Variants in SLC9B2 observed in about 807,000 individuals in gnomAD.
SLC9B2 encodes sodium/hydrogen exchanger 9B2.
SLC9B2 carries 39 observed loss-of-function variants against 52.2 expected under a neutral mutation model. The observed-to-expected ratio is 0.75, with a 90% CI of 0.58 to 0.98. The LOEUF is 0.98. SLC9B2 is among the 50% of genes least tolerant of loss of function. SLC9B2 has a pLI of 0.00. For missense variants in SLC9B2, 626 were observed against 637.5 expected (o/e 0.98, Z 0.19); for synonymous variants, 214 against 227.0 (o/e 0.94, Z 0.51).
intron 9 of SLC9B2, among the ~76,000 whole-genome samples, chr4:103,034,185 G>A (rs554941304): frequency 4.6e-5 from 7 of 152,258 alleles, no homozygotes; most frequent in Admixed American, 4.6e-4. Flanking sequence ...CGATAAAGCT[G>A]ACAAAAACAA....
chr4:103,063,282 T>C (rs1745828474), intron 3 of SLC9B2, among the ~76,000 whole-genome samples: 1 of 152,242 alleles, frequency 6.6e-6, no homozygotes, highest in Non-Finnish European at 1.5e-5. Context: ...TGGTTTTCTG[T>C]ACATGTTCTA....
rs1742232597 is a variant in SLC9B2, at chr4:103,026,554, G to C, written c.1430C>G (p.Ser477Ter). Residue 477 changes from serine (S) to a stop codon, truncating the protein, a stop_gained, in exon 12 of 12, where the codon TCA (serine) becomes TGA (stop). Coordinates refer to ENST00000394785, the MANE Select transcript of SLC9B2 (RefSeq NM_178833.7). LOFTEE classifies it high-confidence loss of function. Reference protein sequence around the residue: ...IGSVALDTARSHGEKQLEDYG... With the variant: ...IGSVALDTAR Reference sequence around the variant, plus strand: ...GTCTTCTAATTGTTTCTCTCCATGTGACCTTGCTGTGTCCAAAGCCACAGA... The same window carrying C: ...GTCTTCTAATTGTTTCTCTCCATGTCACCTTGCTGTGTCCAAAGCCACAGA... 1 of 1,613,582 alleles carries C rather than the reference G, an allele frequency of 6.2e-7. No homozygotes were observed. Among genetic ancestry groups the C allele is most frequent in the Non-Finnish European group, 8.5e-7 (1 of 1,179,806 alleles).
At chr4:103,067,736 G>T in intron 1 of SLC9B2, 144 bp from the exon 2 acceptor site, 2 of 566,010 alleles carry the variant, frequency 3.5e-6, no homozygotes, top group Non-Finnish European at 6.3e-6. Context: ...TCAATGGCTG[G>T]TTATTGTTTT....
At chr4:103,059,619 G>C (rs895623792) in intron 3 of SLC9B2, among the ~76,000 whole-genome samples, 4 of 152,114 alleles carry the variant, frequency 2.6e-5, no homozygotes, top group Non-Finnish European at 2.9e-5. Context: ...ATCTTTAATT[G>C]TAAGAAAGCA....
chr4:103,025,975 C>A lies in SLC9B2; in HGVS notation c.*395G>T. 1.3e-5 allele frequency: 2 copies of A among 155,298 alleles called. No individual in the cohort carries two copies. The highest frequency in any genetic ancestry group is 6.5e-5 in the Admixed American group (1 of 15,384). The allele number at this position is 155,298 out of a possible 1,614,324, so 9.6% of individuals were successfully genotyped here. A position where few individuals can be genotyped will look rare whatever the true frequency, so the allele number is the denominator to read the frequency against. ...ACAAAAACAGATCCAAAAAAGAGAGCCAAAACCAATTCAAGGCATCAGAGC... is the reference window on the plus strand; with the variant it reads ...ACAAAAACAGATCCAAAAAAGAGAGACAAAACCAATTCAAGGCATCAGAGC... On this transcript the variant is annotated 3_prime_UTR_variant, in exon 12 of 12. Coordinates refer to ENST00000394785, the MANE Select transcript of SLC9B2 (RefSeq NM_178833.7).
intron 1 of SLC9B2, among the ~76,000 whole-genome samples, chr4:103,069,195 T>C (rs1746405675): frequency 1.3e-5 from 2 of 152,194 alleles, no homozygotes; most frequent in South Asian, 4.1e-4. Context: ...CAGAGAACAC[T>C]TGTCTTAAAG....
At chr4:103,045,757 C>T (rs1256341897) in intron 7 of SLC9B2, among the ~76,000 whole-genome samples, 1 of 152,164 alleles carries the variant, frequency 6.6e-6, no homozygotes, top group Non-Finnish European at 1.5e-5. Context: ...TGCTCTAAAG[C>T]TGTGGTTCCT....
chr4:103,076,637 C>T lies in SLC9B2; in HGVS notation c.-496G>A, dbSNP rs1006851999. ...CTCGGAGCGGCACCGCGCGGTCTTT[C>T]AGCTGCTTATCCTCCCTGGGCGGGT... On this transcript the variant is annotated 5_prime_UTR_variant, in exon 1 of 12. Coordinates refer to ENST00000394785, the MANE Select transcript of SLC9B2 (RefSeq NM_178833.7). The T allele has an allele frequency of 3.9e-5, 6 of 152,296 alleles. No homozygotes were observed. Among genetic ancestry groups the T allele is most frequent in the African/African-American group, 1.4e-4 (6 of 41,474 alleles). 9.4% of individuals were successfully genotyped at this position (152,296 alleles called of 1,614,324 possible).
chr4:103,026,462 G>C lies in SLC9B2; in HGVS notation c.1522C>G (p.Leu508Val), dbSNP rs1422294281. 6.2e-7 allele frequency: 1 copy of C among 1,613,752 alleles called. No homozygotes were observed. Among genetic ancestry groups the C allele is most frequent in the Non-Finnish European group, 8.5e-7 (1 of 1,179,900 alleles). ...AGCCTGGGGCCCAGTAAACCAATAA[G>C]CAGACTTCCAATTGGGGCTGTGATG... is the stretch of plus-strand genomic sequence containing the variant. ...ILITAPIGSL[L>V]IGLLGPRLLQ... Residue 508 changes from leucine to valine, a missense_variant, in exon 12 of 12, where the codon CTT becomes GTT. By Grantham distance (32) the Leu-to-Val change is conservative. Coordinates refer to ENST00000394785, the MANE Select transcript of SLC9B2 (RefSeq NM_178833.7).
chr4:103,046,461 T>C (rs1744130314), intron 7 of SLC9B2, among the ~76,000 whole-genome samples: 1 of 152,202 alleles, frequency 6.6e-6, no homozygotes, highest in Non-Finnish European at 1.5e-5. Flanking sequence ...TCTTTTACTA[T>C]ACTTGAAACA....
At position 103,072,056 on chromosome 4, in the gene SLC9B2, G is replaced by GTTTTTTTTTTTTTTTTTTTTTTTTTTTT. The variant is rs779979130; in HGVS notation, c.-43+4127_-43+4128insAAAAAAAAAAAAAAAAAAAAAAAAAAAA. Among the ~76,000 whole-genome samples the GTTTTTTTTTTTTTTTTTTTTTTTTTTTT allele has an allele frequency of 1.2e-4, 11 of 95,328 alleles. 2 individuals carry two copies. Among genetic ancestry groups the GTTTTTTTTTTTTTTTTTTTTTTTTTTTT allele is most frequent in the African/African-American group, 4.6e-4 (10 of 21,826 alleles). 62.5% of individuals were successfully genotyped at this position (95,328 alleles called of 152,430 possible). ...CAAAATTTTCAAGTTTGGCTTTCAT[G>GTTTTTTTTTTTTTTTTTTTTTTTTTTTT]TTTTTTTTTTTTTTTTTTTTGAGGT... On this transcript the variant is annotated intron_variant, in intron 1 of 11. Coordinates refer to ENST00000394785, the MANE Select transcript of SLC9B2 (RefSeq NM_178833.7).
downstream of SLC9B2, among the ~76,000 whole-genome samples, chr4:103,020,684 G>A (rs1442351276): frequency 6.6e-6 from 1 of 151,988 alleles, no homozygotes; most frequent in Non-Finnish European, 1.5e-5. Context: ...CTATTACCCC[G>A]GCTGGAGTGC....
chr4:103,067,581 G>C lies in SLC9B2; in HGVS notation c.-31C>G. 6.7e-7 allele frequency: 1 copy of C among 1,496,986 alleles called. No individual in the cohort carries two copies. Among genetic ancestry groups the C allele is most frequent in the Non-Finnish European group, 9.3e-7 (1 of 1,075,364 alleles). The allele number at this position is 1,496,986 out of a possible 1,614,324, so 92.7% of individuals were successfully genotyped here. On this transcript the variant is annotated 5_prime_UTR_variant, in exon 2 of 12. Coordinates refer to ENST00000394785, the MANE Select transcript of SLC9B2 (RefSeq NM_178833.7). The stretch of plus-strand genomic sequence containing the variant: ...ATAATTAAGAAGATGACACAGGGAA[G>C]AGGAACGAGATCTGTTTTGAAAGAG...
intron 1 of SLC9B2, among the ~76,000 whole-genome samples, chr4:103,070,526 C>G (rs1246562380): frequency 6.6e-6 from 1 of 152,186 alleles, no homozygotes; most frequent in Non-Finnish European, 1.5e-5. Context: ...CTGCAACCTC[C>G]GCCGCCTGGG....
chr4:103,026,174 G>T lies in SLC9B2; in HGVS notation c.*196C>A. 1 of 482,264 alleles carries T rather than the reference G, an allele frequency of 2.1e-6. No homozygotes were observed. Among genetic ancestry groups the T allele is most frequent in the East Asian group, 3.3e-5 (1 of 30,150 alleles). 29.9% of individuals were successfully genotyped at this position (482,264 alleles called of 1,614,324 possible). A position where few individuals can be genotyped will look rare whatever the true frequency, so the allele number is the denominator to read the frequency against. ...GATGAAGGGGTGTTTGAAAAAAAAG[G>T]CAGAGAGATTAAGGTTGGTGATATA... On this transcript the variant is annotated 3_prime_UTR_variant, in exon 12 of 12. Coordinates refer to ENST00000394785, the MANE Select transcript of SLC9B2 (RefSeq NM_178833.7).
At chr4:103,019,114 G>A (rs890509051), downstream of SLC9B2, among the ~76,000 whole-genome samples, 1 of 152,058 alleles carries the variant, frequency 6.6e-6, no homozygotes, top group Non-Finnish European at 1.5e-5. Context: ...TGTCCCCTGG[G>A]TTAAAGCCAA....
intron 4 of SLC9B2, among the ~76,000 whole-genome samples, chr4:103,051,185 C>T (rs1169445419): frequency 6.6e-6 from 1 of 152,138 alleles, no homozygotes; most frequent in Non-Finnish European, 1.5e-5. Flanking sequence ...AAAAGTGACT[C>T]ATTCTGAAAA....
intron 4 of SLC9B2, among the ~76,000 whole-genome samples, chr4:103,051,786 G>C (rs1347110659): frequency 2.0e-5 from 3 of 152,068 alleles, no homozygotes; most frequent in Non-Finnish European, 4.4e-5. Context: ...TTTTGTGCTG[G>C]ACACAAATAG....
rs747796196 is a variant in SLC9B2 at position 103,024,564 on chromosome 4, G to A, written c.*1806C>T. ...GTCTAATGAAGAGAGGAATGGACAG[G>A]CTTTATTTATGCAGATCAGCTTGGT... On this transcript the variant is annotated 3_prime_UTR_variant, in exon 12 of 12. Transcript: ENST00000394785. Among the ~76,000 whole-genome samples the A allele has an allele frequency of 2.0e-4, 30 of 152,152 alleles. No individual in the cohort carries two copies. The highest frequency in any genetic ancestry group is 4.1e-4 in the South Asian group (2 of 4,828).
Sources: gnomAD v4.1 joint callset for allele counts (sites outside exome capture counted in the v4.1 genomes callset) on GRCh38, gnomAD v4.1.1 for gene constraint, MANE v1.5 for transcripts, NCBI Gene and HGNC (gene_info 2026-07-23, HGNC 2026-07-21) for gene names.